ARHGEF28: variants seen among roughly 807,000 people sequenced by gnomAD.
ARHGEF28 encodes the protein Rho guanine nucleotide exchange factor 28.
In ARHGEF28, 152 loss-of-function variants were observed where a neutral mutation model predicts 206.6. The observed-to-expected ratio is 0.74, with a 90% CI of 0.64 to 0.84. The LOEUF is 0.84. Among genes scored for constraint, ARHGEF28 ranks in the 40% least tolerant of loss-of-function variants. ARHGEF28 has a pLI of 0.00. For synonymous variants in ARHGEF28, 763 were observed against 776.4 expected (o/e 0.98, Z 0.29); for missense variants, 2,028 against 2,073.2 (o/e 0.98, Z 0.42).
At chr5:73,741,373 GTGTGTGTGTGTGTATATA>G (rs1751381731) in intron 2 of ARHGEF28, among the ~76,000 whole-genome samples, 4 of 50,324 alleles carry the variant, frequency 7.9e-5, no homozygotes, top group African/African-American at 3.7e-4. Flanking sequence ...GTGTGTGTGT[GTGTGTGTGTGTGTATATA>G]TATATATATA....
intron 2 of ARHGEF28, among the ~76,000 whole-genome samples, chr5:73,716,047 T>C (rs1466666914): frequency 1.3e-5 from 2 of 152,230 alleles, no homozygotes; most frequent in African/African-American, 4.8e-5. Context: ...TGATTAAAAC[T>C]ATAGGTTTGT....
In ARHGEF28 at chr5:73,847,654, G is replaced by A. The variant is rs569739120; in HGVS notation, c.1635+1179G>A. On this transcript the variant is annotated intron_variant, in intron 12 of 35. Transcript: ENST00000513042. The stretch of plus-strand genomic sequence containing the variant: ...ATCCAGTCTCTTGAAACAGTTTCAT[G>A]TTGCTCATTTTTAGGAAGAATCTGA... Among the ~76,000 whole-genome samples, 61 of 152,290 alleles carry A rather than the reference G, an allele frequency of 4.0e-4. No individual in the cohort carries two copies. The South Asian group carries it at 8.1e-3, about 20-fold the overall frequency.
At chr5:73,867,048 T>A (rs983886300) in intron 18 of ARHGEF28, among the ~76,000 whole-genome samples, 1 of 152,192 alleles carries the variant, frequency 6.6e-6, no homozygotes, top group African/African-American at 2.4e-5. Flanking sequence ...TTTGATGATG[T>A]CAGTTATAAG....
chr5:73,888,566 C>A (rs934930240), intron 26 of ARHGEF28, among the ~76,000 whole-genome samples: 8 of 152,176 alleles, frequency 5.3e-5, no homozygotes, highest in Non-Finnish European at 1.2e-4. Flanking sequence ...GAAACCAATG[C>A]TTCTTTAAAA....
chr5:73,793,363 A>G (rs192363711), intron 7 of ARHGEF28, among the ~76,000 whole-genome samples: 25 of 152,364 alleles, frequency 1.6e-4, no homozygotes, highest in African/African-American at 5.8e-4. Context: ...TTTTCTAAGC[A>G]TAAACATGGA....
chr5:73,833,574 A>C (rs1488768931), intron 10 of ARHGEF28, among the ~76,000 whole-genome samples: 1 of 152,188 alleles, frequency 6.6e-6, no homozygotes, highest in African/African-American at 2.4e-5. Flanking sequence ...AGTTATAGAA[A>C]TCTAGAATGG....
At chr5:73,815,724 G>A (rs1756163791) in intron 9 of ARHGEF28, among the ~76,000 whole-genome samples, 1 of 152,164 alleles carries the variant, frequency 6.6e-6, no homozygotes, top group Non-Finnish European at 1.5e-5. Flanking sequence ...CATTTATCAT[G>A]CTCTCCTTTT....
chr5:73,754,886 AT>A (rs869255075), intron 4 of ARHGEF28, among the ~76,000 whole-genome samples: 1 of 133,918 alleles, frequency 7.5e-6, no homozygotes, highest in African/African-American at 3.1e-5. Flanking sequence ...TTTTATTTTT[AT>A]TTTATTTATT....
intron 2 of ARHGEF28, among the ~76,000 whole-genome samples, chr5:73,728,142 A>C (rs952154937): frequency 7.2e-5 from 11 of 152,140 alleles, no homozygotes; most frequent in African/African-American, 2.4e-4. Context: ...GACCCTTCCA[A>C]CTTTGCTTCT....
Position 73,909,673 on chromosome 5 carries a change from C to A in ARHGEF28, c.4423C>A (p.Arg1475=). 6.5e-7 allele frequency: 1 copy of A among 1,540,042 alleles called. No individual in the cohort carries two copies. Among genetic ancestry groups the A allele is most frequent in the East Asian group, 2.5e-5 (1 of 40,704 alleles). The change falls in exon 34 of 36, where the codon CGG becomes AGG. Residue 1475 remains arginine, a synonymous_variant. Coordinates refer to ENST00000513042, the MANE Select transcript of ARHGEF28 (RefSeq NM_001177693.2). ...QATRESWLQE[R]ERECQSQEEL... is the part of the protein sequence containing the mutation. Reference sequence around the variant, plus strand: ...GACCAGGGAGAGCTGGCTGCAGGAGCGGGAGCGGGAGTGCCAGTCGCAGGA... The same window carrying A: ...GACCAGGGAGAGCTGGCTGCAGGAGAGGGAGCGGGAGTGCCAGTCGCAGGA...
At chr5:73,628,952 C>A (rs1743184092) in intron 1 of ARHGEF28, among the ~76,000 whole-genome samples, 1 of 152,150 alleles carries the variant, frequency 6.6e-6, no homozygotes, top group Non-Finnish European at 1.5e-5. Context: ...CTCGGAAGCC[C>A]AAGGCAGTGT....
intron 35 of ARHGEF28, among the ~76,000 whole-genome samples, chr5:73,929,230 A>G (rs1763978958): frequency 6.6e-6 from 1 of 152,224 alleles, no homozygotes; most frequent in Non-Finnish European, 1.5e-5. Context: ...TGATCACTCA[A>G]CTTCAGAAAA....
intron 9 of ARHGEF28, among the ~76,000 whole-genome samples, chr5:73,819,174 G>A (rs1379740773): frequency 6.6e-6 from 1 of 152,202 alleles, no homozygotes; most frequent in Non-Finnish European, 1.5e-5. Context: ...AAATAGCCTA[G>A]CCTTGTGGCC....
chr5:73,732,825 C>T (rs1217450878), intron 2 of ARHGEF28, among the ~76,000 whole-genome samples: 1 of 152,030 alleles, frequency 6.6e-6, no homozygotes. Context: ...TATATGAAAG[C>T]ATAGCGGAAA....
chr5:73,791,587 T>C (rs1389558845), intron 7 of ARHGEF28, among the ~76,000 whole-genome samples: 1 of 152,216 alleles, frequency 6.6e-6, no homozygotes, highest in Non-Finnish European at 1.5e-5. Context: ...TTTTATTTGC[T>C]TAAGTCTAGA....
intron 2 of ARHGEF28, among the ~76,000 whole-genome samples, chr5:73,745,906 G>A (rs1358742788): frequency 6.6e-6 from 1 of 152,028 alleles, no homozygotes; most frequent in Non-Finnish European, 1.5e-5. Flanking sequence ...TTGAGATTTG[G>A]TTTGGCCACC....
intron 22 of ARHGEF28, among the ~76,000 whole-genome samples, chr5:73,879,755 C>T (rs937794816): frequency 3.3e-5 from 5 of 152,146 alleles, no homozygotes; most frequent in Admixed American, 6.5e-5. Context: ...TTGTGAACCG[C>T]GAATGCTGCT....
At chr5:73,904,626 A>G in intron 33 of ARHGEF28, 1 of 530,842 alleles carries the variant, frequency 1.9e-6, no homozygotes, top group African/African-American at 1.9e-5. Flanking sequence ...ATCATAAAAC[A>G]GTTCATATCT....
intron 9 of ARHGEF28, among the ~76,000 whole-genome samples, chr5:73,806,461 T>C (rs1179827042): frequency 1.6e-5 from 2 of 127,734 alleles, no homozygotes; most frequent in African/African-American, 6.4e-5. Flanking sequence ...CTATATATAG[T>C]ATGTATATAG....
Sources: allele counts gnomAD v4.1 joint callset (sites outside exome capture counted in the v4.1 genomes callset), GRCh38; gene constraint gnomAD v4.1.1; transcripts MANE v1.5; gene names NCBI Gene and HGNC (gene_info 2026-07-23, HGNC 2026-07-21).